Variants in KANSL1 observed in about 807,000 individuals in gnomAD.
The protein encoded by KANSL1 is KAT8 regulatory NSL complex subunit 1.
In KANSL1, 22 loss-of-function variants were observed where a neutral mutation model predicts 103.6. The ratio of observed to expected loss-of-function variants is 0.21; its 90% confidence interval spans 0.15 to 0.30. KANSL1 has a LOEUF of 0.30. Ranked by LOEUF, KANSL1 falls within the 10% of genes least tolerant of loss-of-function variation. The pLI, the probability that KANSL1 is intolerant of heterozygous loss-of-function variation, is 1.00. For missense variants in KANSL1, 1,337 were observed against 1,399.8 expected, an observed-to-expected ratio of 0.96 and a Z score of 0.72; for synonymous variants, 600 against 527.6, an observed-to-expected ratio of 1.14 and a Z score of -1.88.
intron 4 of KANSL1, among the ~76,000 whole-genome samples, chr17:46,080,406 G>A (rs530787262): frequency 2.0e-5 from 3 of 150,368 alleles, no homozygotes; most frequent in African/African-American, 7.3e-5. Context: ...TTACATGTGG[G>A]TATGAAAACC....
chr17:46,074,179 A>G (rs1471146181), intron 4 of KANSL1, among the ~76,000 whole-genome samples: 2 of 152,196 alleles, frequency 1.3e-5, no homozygotes, highest in Non-Finnish European at 2.9e-5. Context: ...AACATCTAGT[A>G]TTAGAAAGTA....
At chr17:46,215,711 G>A (rs528203773) in intron 1 of KANSL1, among the ~76,000 whole-genome samples, 26 of 152,218 alleles carry the variant, frequency 1.7e-4, no homozygotes, top group Non-Finnish European at 3.1e-4. Flanking sequence ...GATAGGAAGA[G>A]GTTGGACTGG....
intron 2 of KANSL1, among the ~76,000 whole-genome samples, chr17:46,164,574 T>C (rs1042291883): frequency 5.9e-5 from 9 of 152,262 alleles, no homozygotes; most frequent in African/African-American, 1.7e-4. Context: ...ATCACTTTAA[T>C]GGACTATGAA....
chr17:46,072,660 A>G (rs2078620058), intron 4 of KANSL1, among the ~76,000 whole-genome samples: 1 of 152,180 alleles, frequency 6.6e-6, no homozygotes, highest in African/African-American at 2.4e-5. Flanking sequence ...TGTACTAAAC[A>G]AGAAGTGGAA....
In KANSL1 at chr17:46,180,858, T is replaced by C. The variant is rs532436327; in HGVS notation, c.-89-8626A>G. Among the ~76,000 whole-genome samples the C allele has an allele frequency of 5.3e-5, 8 of 152,242 alleles. No individual in the cohort carries two copies. In the East Asian group the frequency reaches 1.2e-3, roughly 22 times the overall value. ...CTGAAAAATAAAAAGTATATACATA[T>C]ATATATACACACACATATATATGTA... is the stretch of plus-strand genomic sequence containing the variant. On this transcript the variant is annotated intron_variant, in intron 1 of 14. Coordinates refer to ENST00000432791, the MANE Select transcript of KANSL1 (RefSeq NM_015443.4).
At chr17:46,185,343 C>T (rs1017387664) in intron 1 of KANSL1, among the ~76,000 whole-genome samples, 1 of 152,192 alleles carries the variant, frequency 6.6e-6, no homozygotes, top group Non-Finnish European at 1.5e-5. Context: ...CTAGGATAGG[C>T]TTCACCCACT....
chr17:46,030,807 G>A lies in KANSL1; in HGVS notation c.*669C>T, dbSNP rs1309474040. On this transcript the variant is annotated 3_prime_UTR_variant, in exon 15 of 15. Transcript: ENST00000432791. ...CCAAGGGGCATGAGGAGGGGAACCT[G>A]AGCAGCCACAGCCAGGTTACTGCAG... 1 of 152,494 alleles carries A rather than the reference G, an allele frequency of 6.6e-6. No individual in the cohort carries two copies. The highest frequency in any genetic ancestry group is 6.5e-5 in the Admixed American group (1 of 15,286). The allele number at this position is 152,494 out of a possible 1,614,324, so 9.4% of individuals were successfully genotyped here.
At chr17:46,032,698 A>AG (rs936126151) in intron 13 of KANSL1, 15 of 332,084 alleles carry the variant, frequency 4.5e-5, no homozygotes, top group Middle Eastern at 8.1e-4. Flanking sequence ...ATGGACGTTA[A>AG]GGGGGGGCAG....
intron 6 of KANSL1, among the ~76,000 whole-genome samples, chr17:46,055,947 G>A (rs1045424198): frequency 6.6e-6 from 1 of 152,166 alleles, no homozygotes; most frequent in African/African-American, 2.4e-5. Flanking sequence ...GAAAACGGCT[G>A]CATTTCTGCC....
intron 3 of KANSL1, among the ~76,000 whole-genome samples, chr17:46,089,275 G>C (rs1286541754): frequency 6.6e-6 from 1 of 152,146 alleles, no homozygotes; most frequent in Non-Finnish European, 1.5e-5. Context: ...TCTTTCTCCA[G>C]AGAGCAATAT....
intron 1 of KANSL1, among the ~76,000 whole-genome samples, chr17:46,176,428 C>T (rs1357521156): frequency 1.3e-5 from 2 of 152,226 alleles, no homozygotes; most frequent in African/African-American, 2.4e-5. Context: ...CAGTGGCTCA[C>T]GCCTGTAATC....
intron 1 of KANSL1, among the ~76,000 whole-genome samples, chr17:46,200,636 G>C (rs2047769569): frequency 6.6e-6 from 1 of 152,116 alleles, no homozygotes. Flanking sequence ...CAGCTACTCG[G>C]GAGGCTGAGG....
At chr17:46,213,631 A>T (rs2048243404) in intron 1 of KANSL1, among the ~76,000 whole-genome samples, 1 of 151,210 alleles carries the variant, frequency 6.6e-6, no homozygotes. Flanking sequence ...ATGTGCAGGA[A>T]CTAGGCGGGG....
chr17:46,103,598 A>T (rs1305526047), intron 2 of KANSL1, among the ~76,000 whole-genome samples: 1 of 152,240 alleles, frequency 6.6e-6, no homozygotes, highest in Non-Finnish European at 1.5e-5. Context: ...ACAAGCTCGT[A>T]ACACGCTCCT....
At chr17:46,088,562 G>C (rs750033231) in intron 3 of KANSL1, 3 of 152,236 alleles carry the variant, frequency 2.0e-5, no homozygotes, top group African/African-American at 7.2e-5. Flanking sequence ...AGCTACAGCT[G>C]TGTAATCTCA....
At chr17:46,081,397 T>C (rs1014976671) in intron 4 of KANSL1, among the ~76,000 whole-genome samples, 5 of 152,140 alleles carry the variant, frequency 3.3e-5, no homozygotes, top group African/African-American at 1.2e-4. Context: ...AAAAGATCTG[T>C]AAACAGCATG....
At chr17:46,181,236 C>T (rs1177198996) in intron 1 of KANSL1, among the ~76,000 whole-genome samples, 11 of 152,286 alleles carry the variant, frequency 7.2e-5, no homozygotes, top group South Asian at 2.1e-4. Context: ...TCCTTTGTGA[C>T]GAAATCCTTC....
chr17:46,036,805 C>T (rs929497438), intron 10 of KANSL1, among the ~76,000 whole-genome samples: 9 of 152,038 alleles, frequency 5.9e-5, no homozygotes, highest in Non-Finnish European at 7.4e-5. Context: ...CTGGAACCTC[C>T]GCTTCCCAGT....
At chr17:46,182,524 T>C (rs1352928173) in intron 1 of KANSL1, among the ~76,000 whole-genome samples, 2 of 152,270 alleles carry the variant, frequency 1.3e-5, no homozygotes, top group East Asian at 1.9e-4. Context: ...AAGACCATTA[T>C]CAATTTCCTT....
Sources: allele counts gnomAD v4.1 joint callset (sites outside exome capture counted in the v4.1 genomes callset), GRCh38; gene constraint gnomAD v4.1.1; transcripts MANE v1.5; gene names NCBI Gene and HGNC (gene_info 2026-07-23, HGNC 2026-07-21).